The following NLRP11 variants were observed in gnomAD, a reference collection of about 807,000 sequenced individuals.
The protein encoded by NLRP11 is NACHT, LRR and PYD domains-containing protein 11.
Under a neutral mutation model 79.3 loss-of-function variants are expected in NLRP11, and 53 were observed. The observed-to-expected ratio is 0.67, with a 90% confidence interval of 0.54 to 0.84. NLRP11 has a LOEUF of 0.84. NLRP11 is among the 40% of genes least tolerant of loss of function. The pLI, the probability that NLRP11 is intolerant of heterozygous loss-of-function variation, is 0.00. For synonymous variants in NLRP11, 518 were observed against 462.6 expected (o/e 1.12, Z -1.54); for missense variants, 1,264 against 1,255.0 (o/e 1.01, Z -0.11).
chr19:55,795,221 C>T (rs1276059039), intron 6 of NLRP11, among the ~76,000 whole-genome samples: 3 of 152,166 alleles, frequency 2.0e-5, no homozygotes. Context: ...GCAGACAGAG[C>T]TTACCTACGA....
chr19:55,798,465 C>T (rs541988208), intron 5 of NLRP11: 331 of 274,272 alleles, frequency 1.2e-3, no homozygotes, highest in African/African-American at 6.9e-3. Flanking sequence ...ATGATGAGAA[C>T]ACATGGACAC....
intron 5 of NLRP11, among the ~76,000 whole-genome samples, chr19:55,798,998 T>C (rs918903462): frequency 2.0e-5 from 3 of 152,160 alleles, no homozygotes; most frequent in Non-Finnish European, 2.9e-5. Flanking sequence ...AAATCTGTAT[T>C]TGAAATGCCT....
chr19:55,817,569 C>T (rs1389367357), intron 2 of NLRP11, among the ~76,000 whole-genome samples: 2 of 152,098 alleles, frequency 1.3e-5, no homozygotes, highest in Non-Finnish European at 1.5e-5. Context: ...TGAAGTAACT[C>T]GGGAGTGGAA....
intron 8 of NLRP11, 75 bp downstream of exon 8, chr19:55,789,154 C>T: frequency 5.5e-6 from 8 of 1,466,716 alleles, no homozygotes; most frequent in Non-Finnish European, 7.5e-6. Context: ...TTGTATTTCC[C>T]AATCCACTTC....
chr19:55,808,162 T>G (rs189778996), intron 3 of NLRP11, 148 bp from the exon 4 acceptor site: 310 of 543,530 alleles, frequency 5.7e-4, no homozygotes, highest in African/African-American at 5.4e-3. Context: ...GGGTCAAACA[T>G]GAATGAACAA....
chr19:55,788,356 G>C (rs796551298), intron 9 of NLRP11, among the ~76,000 whole-genome samples: 4 of 149,080 alleles, frequency 2.7e-5, no homozygotes, highest in Non-Finnish European at 4.5e-5. Flanking sequence ...TCTCCCAAGA[G>C]GAAAGACTTT....
intron 1 of NLRP11, among the ~76,000 whole-genome samples, chr19:55,821,613 C>T (rs57344434): frequency 0.013 from 1,961 of 152,076 alleles, 48 homozygotes; most frequent in African/African-American, 0.044. Context: ...CAGGCAAACC[C>T]ATTAACATTG....
intron 4 of NLRP11, among the ~76,000 whole-genome samples, chr19:55,806,784 C>T (rs1056928593): frequency 6.6e-6 from 1 of 152,188 alleles, no homozygotes; most frequent in Admixed American, 6.5e-5. Context: ...TGTGAGCCAT[C>T]TCCGTAATAC....
At chr19:55,810,886 C>T (rs1420707192) in intron 2 of NLRP11, among the ~76,000 whole-genome samples, 2 of 152,172 alleles carry the variant, frequency 1.3e-5, no homozygotes, top group Non-Finnish European at 2.9e-5. Flanking sequence ...GTTCTTTATC[C>T]TTCAAGGGCT....
chr19:55,797,347 C>T (rs940302930), intron 5 of NLRP11, among the ~76,000 whole-genome samples: 10 of 152,124 alleles, frequency 6.6e-5, no homozygotes, highest in Non-Finnish European at 1.5e-5. Flanking sequence ...GATCTTTCCC[C>T]AGATAGCTGC....
Position 55,809,428 on chromosome 19 carries a change from T to C in NLRP11, c.1182A>G (p.Leu394=). 5.6e-6 allele frequency: 9 copies of C among 1,614,186 alleles called. No homozygotes were observed. The highest frequency in any genetic ancestry group is 7.6e-6 in the Non-Finnish European group (9 of 1,180,026). The change falls in exon 3 of 10, where the codon CTA becomes CTG. Residue 394 remains leucine (L), a synonymous_variant. Coordinates refer to ENST00000589093, the Ensembl canonical transcript of NLRP11. This position sits in a 1 kb window ranked among gnomAD's most constrained non-coding sequence, Gnocchi z 4.5. ...CTGCAGCCAGCAAACACAGACGTTT[T>C]AGGAGACCTAGGTGATACTGATTGG...
intron 6 of NLRP11, 101 bp from the exon 7 acceptor site, chr19:55,792,572 C>T (rs995252697): frequency 1.3e-6 from 1 of 788,304 alleles, no homozygotes; most frequent in Non-Finnish European, 2.1e-6. Context: ...ATGCCTTCTA[C>T]TGCCATTGCC....
At chr19:55,789,199 G>T (rs754394840) in intron 8 of NLRP11, 30 bp downstream of exon 8, 31 of 1,587,706 alleles carry the variant, frequency 2.0e-5, no homozygotes, top group Non-Finnish European at 2.7e-5. Flanking sequence ...GCTAGCTAAA[G>T]GCAGGGATCT....
exon 10 of NLRP11, chr19:55,785,585 G>A (rs374537837): frequency 2.1e-5 from 33 of 1,554,916 alleles, no homozygotes; most frequent in Non-Finnish European, 2.7e-5. Flanking sequence ...TCCCAGTCAC[G>A]GTAGTAATTT....
At chr19:55,831,505 T>C (rs1982785659) in intron 1 of NLRP11, among the ~76,000 whole-genome samples, 1 of 152,080 alleles carries the variant, frequency 6.6e-6, no homozygotes, top group Admixed American at 6.6e-5. Context: ...GAGGTTGCAG[T>C]GCGCTGAGAT....
At chr19:55,796,110 A>G (rs1332178237) in exon 6 of NLRP11, 13 of 1,614,006 alleles carry the variant, frequency 8.1e-6, no homozygotes, top group Non-Finnish European at 1.1e-5. Flanking sequence ...GTTGGGATGA[A>G]GCAAGGCATC....
chr19:55,814,707 A>G (rs1980915904), intron 2 of NLRP11, among the ~76,000 whole-genome samples: 5 of 152,256 alleles, frequency 3.3e-5, no homozygotes, highest in Admixed American at 3.3e-4. Context: ...TGGTTAGAGA[A>G]GATGGTAGAC....
intron 1 of NLRP11, among the ~76,000 whole-genome samples, chr19:55,824,925 A>G (rs1440717143): frequency 2.8e-5 from 2 of 72,464 alleles, no homozygotes; most frequent in Non-Finnish European, 4.4e-5. Context: ...ATAGACATCT[A>G]CAGAACTCTC....
At chr19:55,807,403 T>C (rs889246141) in intron 4 of NLRP11, among the ~76,000 whole-genome samples, 1 of 152,164 alleles carries the variant, frequency 6.6e-6, no homozygotes, top group Non-Finnish European at 1.5e-5. Flanking sequence ...CTGACCCATT[T>C]TTGCTTTCTT....
Sources: gnomAD v4.1 joint callset for allele counts (sites outside exome capture counted in the v4.1 genomes callset) on GRCh38, gnomAD v4.1.1 for gene constraint, Gnocchi (gnomAD v3.1) non-coding constraint, MANE v1.5 for transcripts, NCBI Gene and HGNC (gene_info 2026-07-23, HGNC 2026-07-21) for gene names.